Variants in HEATR5A observed in about 807,000 individuals in gnomAD.
HEATR5A encodes the protein HEAT repeat containing 5A, also known as HEAT repeat-containing protein 5A.
Under a neutral mutation model 218.8 loss-of-function variants are expected in HEATR5A, and 178 were observed. That is an observed-to-expected ratio of 0.81 (90% CI 0.72 to 0.92). The LOEUF is 0.92. Ranked by LOEUF, HEATR5A falls within the 40% of genes least tolerant of loss-of-function variation. The pLI is 0.00. For missense variants in HEATR5A, 2,420 were observed against 2,418.9 expected, an observed-to-expected ratio of 1.00 and a Z score of -0.01; for synonymous variants, 864 against 871.6, an observed-to-expected ratio of 0.99 and a Z score of 0.15.
chr14:31,388,436 G>A (rs2030320557), intron 7 of HEATR5A, among the ~76,000 whole-genome samples: 1 of 152,164 alleles, frequency 6.6e-6, no homozygotes, highest in Non-Finnish European at 1.5e-5. Context: ...ACTACATGCT[G>A]TACTCCTTGA....
At chr14:31,381,548 T>C (rs964582972) in intron 10 of HEATR5A, among the ~76,000 whole-genome samples, 3 of 70,718 alleles carry the variant, frequency 4.2e-5, no homozygotes, top group African/African-American at 1.8e-4. Context: ...AGAAAGACCA[T>C]GTCTCCTTGG....
intron 28 of HEATR5A, 94 bp from the exon 29 acceptor site, chr14:31,309,276 G>C (rs1899657557): frequency 2.2e-6 from 3 of 1,388,080 alleles, no homozygotes; most frequent in South Asian, 1.4e-5. Flanking sequence ...CCATCACTCC[G>C]AAAGTTCCCT....
intron 11 of HEATR5A, 67 bp downstream of exon 11, chr14:31,380,400 A>G (rs1300858233): frequency 1.8e-5 from 17 of 968,982 alleles, no homozygotes; most frequent in Non-Finnish European, 2.7e-5. Flanking sequence ...CAAATCACAT[A>G]TAAGAATCAT....
At position 31,343,927 on chromosome 14, in the gene HEATR5A, A is replaced by T; in HGVS notation, c.3197T>A (p.Val1066Asp). The T allele has an allele frequency of 2.5e-6, 4 of 1,608,772 alleles. No individual in the cohort carries two copies. The South Asian group carries it at 4.5e-5, about 18-fold the overall frequency. ...GCAGCTAACCAGGCTAGACAAGTTG[A>T]CATGTCGTGGAGCAAACATATGAAG... The part of the protein sequence containing the change: ...QQLHMFAPRH[V>D]NLSSLVSCLC... The change falls in exon 21 of 36, where the codon GTC (valine) becomes GAC (aspartate). Residue 1066 changes from valine (V) to aspartate (D), a missense_variant. Transcript: ENST00000543095.
At chr14:31,309,293 C>CTT (rs2139143746) in intron 28 of HEATR5A, 111 bp from the exon 29 acceptor site, 3 of 1,191,668 alleles carry the variant, frequency 2.5e-6, no homozygotes, top group Non-Finnish European at 3.5e-6. Flanking sequence ...CCCTTGTACC[C>CTT]TTTTTCAGTC....
At chr14:31,341,246 T>A (rs902834353) in intron 21 of HEATR5A, among the ~76,000 whole-genome samples, 3 of 152,190 alleles carry the variant, frequency 2.0e-5, no homozygotes, top group African/African-American at 7.2e-5. Context: ...CTTGCTCTAA[T>A]GTACCCAAAA....
At chr14:31,374,787 AG>A in intron 12 of HEATR5A, 28 bp downstream of exon 12, 1 of 1,582,666 alleles carries the variant, frequency 6.3e-7, no homozygotes, top group South Asian at 1.2e-5. Context: ...GCCAAAGGAA[AG>A]GGAGAGAAAA....
chr14:31,350,603 A>T lies in HEATR5A; in HGVS notation c.2517+9T>A, dbSNP rs144475370. 2,614 of 1,463,478 alleles carry T rather than the reference A, an allele frequency of 1.8e-3. 11 individuals carry two copies. The highest frequency in any genetic ancestry group is 9.1e-3 in the South Asian group (716 of 79,044). The allele number at this position is 1,463,478 out of a possible 1,614,324, so 90.7% of individuals were successfully genotyped here. ...AAGCCAACATTTAAATGAAAAAAAT[A>T]ATAATTACCTTCAAGAAACTAGAAA... On this transcript the variant is annotated intron_variant, in intron 17 of 35. Transcript: ENST00000543095.
intron 22 of HEATR5A, among the ~76,000 whole-genome samples, chr14:31,333,430 T>C (rs942727161): frequency 6.6e-6 from 1 of 151,988 alleles, no homozygotes; most frequent in Non-Finnish European, 1.5e-5. Flanking sequence ...TTTTGTATTT[T>C]TAATAGAGAT....
chr14:31,418,471 A>G (rs1249966577), intron 1 of HEATR5A, among the ~76,000 whole-genome samples: 3 of 152,236 alleles, frequency 2.0e-5, no homozygotes, highest in Admixed American at 2.0e-4. Context: ...CCAGCAGAGC[A>G]GATTTGACCC....
intron 11 of HEATR5A, among the ~76,000 whole-genome samples, chr14:31,375,536 G>T (rs1163073128): frequency 6.6e-6 from 1 of 152,030 alleles, no homozygotes; most frequent in Admixed American, 6.6e-5. Context: ...TGAGTAGCTG[G>T]GATTACAGGT....
chr14:31,299,438 G>T (rs1382878147), intron 33 of HEATR5A, among the ~76,000 whole-genome samples: 1 of 152,154 alleles, frequency 6.6e-6, no homozygotes, highest in Admixed American at 6.5e-5. Context: ...ACCCTTTCGT[G>T]GCCAGACACA....
At chr14:31,315,095 A>C (rs144441113) in intron 27 of HEATR5A, among the ~76,000 whole-genome samples, 408 of 152,126 alleles carry the variant, frequency 2.7e-3, no homozygotes, top group Middle Eastern at 0.01. Context: ...ATCACTTGAA[A>C]CTGGGAGGTG....
intron 11 of HEATR5A, among the ~76,000 whole-genome samples, chr14:31,378,583 C>T (rs1481995771): frequency 2.0e-5 from 3 of 151,950 alleles, no homozygotes; most frequent in Non-Finnish European, 4.4e-5. Flanking sequence ...GTCAGCACAT[C>T]GAGGCCATCC....
At chr14:31,374,301 CAAAAAA>C (rs34427206) in intron 12 of HEATR5A, among the ~76,000 whole-genome samples, 1 of 92,122 alleles carries the variant, frequency 1.1e-5, no homozygotes. Context: ...GACCCTATCT[CAAAAAA>C]AAAAAAAAAA....
intron 25 of HEATR5A, among the ~76,000 whole-genome samples, chr14:31,318,949 G>C (rs974099003): frequency 3.3e-5 from 5 of 152,172 alleles, no homozygotes; most frequent in African/African-American, 1.2e-4. Context: ...GAGCCATCTT[G>C]ATATCACTTG....
At chr14:31,320,853 G>A (rs1048013386) in intron 25 of HEATR5A, among the ~76,000 whole-genome samples, 1 of 152,056 alleles carries the variant, frequency 6.6e-6, no homozygotes, top group Non-Finnish European at 1.5e-5. Flanking sequence ...GCCTTCTAAG[G>A]AGCTGGGACT....
intron 13 of HEATR5A, among the ~76,000 whole-genome samples, chr14:31,368,638 T>C (rs941569771): frequency 1.3e-5 from 2 of 152,090 alleles, no homozygotes; most frequent in African/African-American, 4.8e-5. Flanking sequence ...AAGCAATCAT[T>C]CCCGCCTCAG....
intron 1 of HEATR5A, among the ~76,000 whole-genome samples, chr14:31,416,915 G>A (rs746984756): frequency 7.9e-5 from 12 of 151,820 alleles, no homozygotes; most frequent in African/African-American, 2.7e-4. Context: ...CAGCCTGGGC[G>A]ACATAGCAAA....
Sources: gnomAD v4.1 joint callset for allele counts (sites outside exome capture counted in the v4.1 genomes callset) on GRCh38, gnomAD v4.1.1 for gene constraint, MANE v1.5 for transcripts, NCBI Gene and HGNC (gene_info 2026-07-23, HGNC 2026-07-21) for gene names.